Variants in PLEKHS1 observed in about 807,000 individuals in gnomAD.
The protein encoded by PLEKHS1 is pleckstrin homology domain-containing family S member 1.
A neutral mutation model predicts 51.0 loss-of-function variants in PLEKHS1; 55 were observed. The ratio of observed to expected loss-of-function variants is 1.08; its 90% CI spans 0.87 to 1.35. PLEKHS1 has a LOEUF of 1.35. Among genes scored for constraint, PLEKHS1 ranks in the 40% most tolerant of loss-of-function variants. The pLI is 0.00. For synonymous variants in PLEKHS1, 153 were observed against 144.8 expected (o/e 1.06, Z -0.41); for missense variants, 398 against 423.0 (o/e 0.94, Z 0.52).
At chr10:113,772,665 G>A (rs1434862403) in intron 8 of PLEKHS1, among the ~76,000 whole-genome samples, 4 of 152,310 alleles carry the variant, frequency 2.6e-5, no homozygotes, top group East Asian at 1.9e-4. Context: ...CACAAAAGAC[G>A]TGGTCCGTGT....
At chr10:113,774,187 G>A (rs1439066933) in intron 8 of PLEKHS1, 40 bp from the exon 9 acceptor site, 7 of 1,275,612 alleles carry the variant, frequency 5.5e-6, no homozygotes, top group Non-Finnish European at 7.9e-6. Context: ...CTGACTTATC[G>A]GTAAACTGGG....
intron 2 of PLEKHS1, 149 bp from the exon 3 acceptor site, chr10:113,766,262 C>T: frequency 1.7e-6 from 1 of 590,176 alleles, no homozygotes; most frequent in Non-Finnish European, 3.0e-6. Context: ...ACATTTGGTC[C>T]TTTGTTTTCT....
rs146380693 is a variant in PLEKHS1, at chr10:113,779,813, C to A, written c.*-789C>A. 5.4e-3 allele frequency among the ~76,000 whole-genome samples: 816 copies of A among 152,250 alleles called. 7 individuals carry two copies. Among genetic ancestry groups the A allele is most frequent in the African/African-American group, 0.018 (736 of 41,520 alleles). On this transcript the variant is annotated intron_variant, in intron 11 of 11. Coordinates refer to ENST00000361048, the Ensembl canonical transcript of PLEKHS1. ...TGCATTTCTCTTGTGCTCGTTCTGC[C>A]TTCCCTTTCTAATTGATAACAGCCC...
Position 113,766,142 on chromosome 10 carries a change from G to C in PLEKHS1, c.29-269G>C, listed in dbSNP as rs1389709060. On this transcript the variant is annotated intron_variant, in intron 2 of 11. Coordinates refer to ENST00000361048, the Ensembl canonical transcript of PLEKHS1. ...AGCCAAATCTTTGCTCACACGTAGA[G>C]AGCCAACGACATACTCTAGAAACAG... Among the ~76,000 whole-genome samples, 5 of 152,214 alleles carry C rather than the reference G, an allele frequency of 3.3e-5. No individual in the cohort carries two copies. The South Asian group carries it at 8.3e-4, about 25-fold the overall frequency.
intron 11 of PLEKHS1, chr10:113,777,251 C>A (rs865925739): frequency 1.2e-6 from 2 of 1,612,798 alleles, no homozygotes; most frequent in Non-Finnish European, 1.7e-6. Context: ...CCGGTCCATC[C>A]AGAAGGAGGT....
At chr10:113,769,758 T>A in intron 6 of PLEKHS1, 26 bp from the exon 7 acceptor site, 1 of 1,480,814 alleles carries the variant, frequency 6.8e-7, no homozygotes, top group Non-Finnish European at 9.4e-7. Flanking sequence ...AACTGTGCCC[T>A]GACTGATTCC....
At position 113,780,052 on chromosome 10, in the gene PLEKHS1, T is replaced by C. The variant is rs150033713; in HGVS notation, c.*-550T>C. Among the ~76,000 whole-genome samples, 937 of 152,114 alleles carry C rather than the reference T, an allele frequency of 6.2e-3. 6 individuals carry two copies. The highest frequency in any genetic ancestry group is 8.3e-3 in the Non-Finnish European group (567 of 67,992). On this transcript the variant is annotated intron_variant, in intron 11 of 11. Transcript: ENST00000361048. ...AGGAAGAACAGCCATTGGCCCTTGA[T>C]GTTTTAAAGTGCCTGAGCCAATCCC...
At chr10:113,771,238 G>C (rs900778946) in intron 7 of PLEKHS1, 2 of 152,188 alleles carry the variant, frequency 1.3e-5, no homozygotes, top group Non-Finnish European at 2.9e-5. Flanking sequence ...AGAAGTGTGT[G>C]AACAGAACAC....
At chr10:113,753,550 G>A (rs1592999944) in intron 1 of PLEKHS1, among the ~76,000 whole-genome samples, 5 of 152,046 alleles carry the variant, frequency 3.3e-5, no homozygotes, top group South Asian at 2.1e-4. Context: ...TAAGGGCACC[G>A]GTTCTTCAAC....
In PLEKHS1 at chr10:113,764,605, C is replaced by G. The variant is rs145741482; in HGVS notation, c.29-1806C>G. Among the ~76,000 whole-genome samples, 544 of 152,188 alleles carry G rather than the reference C, an allele frequency of 3.6e-3. 1 individual carries two copies. The highest frequency in any genetic ancestry group is 0.013 in the African/African-American group (520 of 41,512). On this transcript the variant is annotated intron_variant, in intron 2 of 11. Transcript: ENST00000361048. ...TCTTTGTGTATCTTGTGCCGAGATT[C>G]ATTGAACTGCTTGGATCTCTGGGAT...
rs776050192 is a variant in PLEKHS1, at chr10:113,768,892, T to C, written c.435+2T>C. On this transcript the variant is annotated splice_donor_variant, in intron 6 of 11. Coordinates refer to ENST00000361048, the Ensembl canonical transcript of PLEKHS1. LOFTEE classifies it high-confidence loss of function. ...AAAGCAACACAGCAGAACACAGAGG[T>C]GACTCCATATCACTAATAAAATAAC... 4.3e-6 allele frequency: 7 copies of C among 1,609,292 alleles called. No homozygotes were observed. The highest frequency in any genetic ancestry group is 2.5e-6 in the Non-Finnish European group (3 of 1,177,688).
Position 113,780,918 on chromosome 10 carries a change from A to T in PLEKHS1, c.*316A>T. 9.4e-6 allele frequency: 7 copies of T among 744,270 alleles called. No individual in the cohort carries two copies. The South Asian group carries it at 1.4e-4, about 14-fold the overall frequency. The allele number at this position is 744,270 out of a possible 1,614,324, so 46.1% of individuals were successfully genotyped here. ...CATCTGCATCTTAACAATGGGGATG[A>T]CTATCCCCTCTCTGGTTATTGTATC... On this transcript the variant is annotated 3_prime_UTR_variant, in exon 12 of 12. Transcript: ENST00000361048.
At chr10:113,758,170 G>A (rs1468736378) in intron 2 of PLEKHS1, among the ~76,000 whole-genome samples, 1 of 152,188 alleles carries the variant, frequency 6.6e-6, no homozygotes, top group African/African-American at 2.4e-5. Context: ...CATCTAGAAT[G>A]GTGAATCCTT....
At chr10:113,771,877 C>G (rs1844427124) in intron 7 of PLEKHS1, 93 bp from the exon 8 acceptor site, 1 of 1,446,748 alleles carries the variant, frequency 6.9e-7, no homozygotes, top group Non-Finnish European at 9.2e-7. Flanking sequence ...CTTTTTTAAC[C>G]CAACTAATTT....
At chr10:113,761,908 C>G (rs889664796) in intron 2 of PLEKHS1, among the ~76,000 whole-genome samples, 1 of 151,942 alleles carries the variant, frequency 6.6e-6, no homozygotes, top group African/African-American at 2.4e-5. Flanking sequence ...TTGATTATTT[C>G]TTGCTTACAT....
rs775001420 is a variant in PLEKHS1 at position 113,769,926 on chromosome 10, G to A, written c.552+26G>A. 52 of 1,524,402 alleles carry A rather than the reference G, an allele frequency of 3.4e-5. No individual in the cohort carries two copies. In the East Asian group the frequency reaches 1.1e-3, roughly 34 times the overall value. 94.4% of individuals were successfully genotyped at this position (1,524,402 alleles called of 1,614,324 possible). On this transcript the variant is annotated intron_variant, in intron 7 of 11. Coordinates refer to ENST00000361048, the Ensembl canonical transcript of PLEKHS1. Reference sequence around the variant, plus strand: ...GTAATGGGGCTCACTTCTTTCTCAGGACACCACACCTGGGAGGCAGCTAAT... The same window carrying A: ...GTAATGGGGCTCACTTCTTTCTCAGAACACCACACCTGGGAGGCAGCTAAT...
Position 113,755,253 on chromosome 10 carries a change from T to C in PLEKHS1, c.-19-6T>C, listed in dbSNP as rs377595573. 4.4e-5 allele frequency: 70 copies of C among 1,604,736 alleles called. No homozygotes were observed. Among genetic ancestry groups the C allele is most frequent in the Non-Finnish European group, 5.8e-5 (68 of 1,176,250 alleles). Reference sequence around the variant, plus strand: ...GGGGACTAACACTAACCCTTCCTTTTGACAGGGGAGGACACACAGCCATCA... The same window carrying C: ...GGGGACTAACACTAACCCTTCCTTTCGACAGGGGAGGACACACAGCCATCA... On this transcript the variant is annotated splice_polypyrimidine_tract_variant and splice_region_variant and intron_variant, in intron 1 of 11. Coordinates refer to ENST00000361048, the Ensembl canonical transcript of PLEKHS1.
chr10:113,780,791 G>C, exon 12 of PLEKHS1: 1 of 1,540,150 alleles, frequency 6.5e-7, no homozygotes, highest in African/African-American at 1.4e-5. Context: ...ACGCACCCCA[G>C]ACCCATGGCA....
chr10:113,766,507 T>C lies in PLEKHS1; in HGVS notation c.117+8T>C. ...CAGCTGTTCTCCTCTGTGGTAAGTA[T>C]TTGCTGTGATTTAACAAGCCTCCCA... On this transcript the variant is annotated splice_region_variant and intron_variant, in intron 3 of 11. Coordinates refer to ENST00000361048, the Ensembl canonical transcript of PLEKHS1. The C allele has an allele frequency of 6.3e-7, 1 of 1,595,120 alleles. No individual in the cohort carries two copies. Among genetic ancestry groups the C allele is most frequent in the Non-Finnish European group, 8.6e-7 (1 of 1,163,990 alleles).
Sources: gnomAD v4.1 joint callset for allele counts (sites outside exome capture counted in the v4.1 genomes callset) on GRCh38, gnomAD v4.1.1 for gene constraint, MANE v1.5 for transcripts, NCBI Gene and HGNC (gene_info 2026-07-23, HGNC 2026-07-21) for gene names.